Variants in OSBP observed in about 807,000 individuals in gnomAD.
The protein encoded by OSBP is oxysterol binding protein.
A neutral mutation model predicts 96.6 loss-of-function variants in OSBP; 32 were observed. That is an observed-to-expected ratio of 0.33 (90% CI 0.25 to 0.45). The LOEUF (loss-of-function observed/expected upper bound fraction) is 0.45, where lower values mean the gene tolerates loss of function less well. Among genes scored for constraint, OSBP ranks in the 20% least tolerant of loss-of-function variants. The pLI is 1.00. For synonymous variants in OSBP, 369 were observed against 389.6 expected (o/e 0.95, Z 0.62); for missense variants, 653 against 1,029.7 (o/e 0.63, Z 5.01).
intron 7 of OSBP, among the ~76,000 whole-genome samples, chr11:59,595,944 A>AAACT (rs750729536): frequency 1.9e-4 from 26 of 138,562 alleles, no homozygotes; most frequent in South Asian, 7.0e-4. Flanking sequence ...ACTCTGTCTA[A>AAACT]AAATAAATAA....
chr11:59,609,567 A>G (rs1315409536), intron 2 of OSBP, among the ~76,000 whole-genome samples: 1 of 152,126 alleles, frequency 6.6e-6, no homozygotes. Context: ...ACTTACTACC[A>G]AACAATTTAC....
intron 3 of OSBP, among the ~76,000 whole-genome samples, chr11:59,607,667 C>T (rs535174103): frequency 6.6e-6 from 1 of 152,226 alleles, no homozygotes; most frequent in Non-Finnish European, 1.5e-5. Flanking sequence ...GTAACTAAAA[C>T]AACCTGCCAG....
Position 59,576,520 on chromosome 11 carries a change from C to T in OSBP, c.*57G>A. The T allele has an allele frequency of 6.4e-7, 1 of 1,554,716 alleles. No homozygotes were observed. Among genetic ancestry groups the T allele is most frequent in the Non-Finnish European group, 8.7e-7 (1 of 1,148,428 alleles). On this transcript the variant is annotated 3_prime_UTR_variant, in exon 14 of 14. Transcript: ENST00000263847. ...AAGAGAGTCACAACTTCCAGCTTTC[C>T]CACACATCCTCTGTCCTCTTCTCCA... is the stretch of plus-strand genomic sequence containing the variant.
chr11:59,578,099 C>T (rs1860380485), intron 12 of OSBP, 50 bp downstream of exon 12: 1 of 1,566,016 alleles, frequency 6.4e-7, no homozygotes. Flanking sequence ...AATATTGCTC[C>T]ACAGTCAAGG....
chr11:59,585,154 C>A (rs993399005), intron 9 of OSBP, among the ~76,000 whole-genome samples: 15 of 150,220 alleles, frequency 1.0e-4, no homozygotes, highest in South Asian at 2.1e-4. Flanking sequence ...AAGTGAGGAG[C>A]GTCTCTGCCC....
chr11:59,589,844 G>A (rs1860555347), intron 9 of OSBP, among the ~76,000 whole-genome samples: 1 of 151,968 alleles, frequency 6.6e-6, no homozygotes, highest in Non-Finnish European at 1.5e-5. Flanking sequence ...TTAGCTGGGT[G>A]CGGTGGCGGG....
rs1416181943 is a variant in OSBP at position 59,576,940 on chromosome 11, G to A, written c.2146C>T (p.Arg716Trp). 1.9e-6 allele frequency: 3 copies of A among 1,614,180 alleles called. No homozygotes were observed. Among genetic ancestry groups the A allele is most frequent in the Non-Finnish European group, 2.5e-6 (3 of 1,180,040 alleles). Residue 716 changes from arginine to tryptophan, a missense_variant, in exon 13 of 14, where the codon CGG (arginine) becomes TGG (tryptophan). By Grantham distance (101) the Arg-to-Trp change is moderately radical. Coordinates refer to ENST00000263847, the MANE Select transcript of OSBP (RefSeq NM_002556.3). ...ATCAGTCTCTGGTCAGGTCGTAACCGGCTGTCTGTGGGGGCAGTGCCACTT... is the reference window on the plus strand; with the variant it reads ...ATCAGTCTCTGGTCAGGTCGTAACCAGCTGTCTGTGGGGGCAGTGCCACTT... Reference protein sequence around the residue: ...WESGTAPTDSRLRPDQRLMEN... With the variant: ...WESGTAPTDSWLRPDQRLMEN...
At chr11:59,601,559 A>G in intron 4 of OSBP, 81 bp downstream of exon 4, 1 of 1,309,550 alleles carries the variant, frequency 7.6e-7, no homozygotes, top group South Asian at 1.2e-5. Flanking sequence ...TTGACTGTGA[A>G]GAGTTTGGAG....
At chr11:59,588,067 T>A (rs1860523190) in intron 9 of OSBP, among the ~76,000 whole-genome samples, 1 of 152,160 alleles carries the variant, frequency 6.6e-6, no homozygotes, top group Non-Finnish European at 1.5e-5. Context: ...TGAAAGGAAA[T>A]TCTGACATTT....
intron 9 of OSBP, among the ~76,000 whole-genome samples, chr11:59,588,697 T>C (rs1166859847): frequency 6.6e-6 from 1 of 151,992 alleles, no homozygotes; most frequent in Admixed American, 6.5e-5. Flanking sequence ...TTTTATGTTA[T>C]GTGTATTTTA....
intron 3 of OSBP, among the ~76,000 whole-genome samples, chr11:59,604,107 G>A (rs1860752095): frequency 6.6e-6 from 1 of 151,462 alleles, no homozygotes; most frequent in Non-Finnish European, 1.5e-5. Context: ...GTACAAATAA[G>A]GGTAAGTTAT....
Position 59,578,280 on chromosome 11 carries a change from CAGA to C in OSBP, c.1926_1928del (p.Leu643del). On this transcript the variant is annotated inframe_deletion, in exon 12 of 14. Transcript: ENST00000263847. ...ATTCCATTTTCTCATCCCACGTCCC[CAGA>C]AGAGCAAAGTGGACTTTTCCTGATG... is the stretch of plus-strand genomic sequence containing the variant. 6.2e-7 allele frequency: 1 copy of C among 1,614,212 alleles called. No homozygotes were observed. Among genetic ancestry groups the C allele is most frequent in the Non-Finnish European group, 8.5e-7 (1 of 1,180,046 alleles).
intron 9 of OSBP, among the ~76,000 whole-genome samples, chr11:59,591,555 G>A (rs985037556): frequency 6.6e-6 from 1 of 150,924 alleles, no homozygotes; most frequent in East Asian, 1.9e-4. Flanking sequence ...TATATAAATA[G>A]GTATTATATA....
intron 11 of OSBP, among the ~76,000 whole-genome samples, chr11:59,579,335 CTTTT>C (rs760297069): frequency 7.1e-6 from 1 of 141,690 alleles, no homozygotes; most frequent in Non-Finnish European, 1.6e-5. Flanking sequence ...TTCTTTCTTT[CTTTT>C]TTTTTTTTTT....
chr11:59,589,893 G>T (rs998353967), intron 9 of OSBP, among the ~76,000 whole-genome samples: 3 of 152,014 alleles, frequency 2.0e-5, no homozygotes, highest in African/African-American at 7.2e-5. Context: ...TGAAGCAGGA[G>T]AATCGCTTGA....
At chr11:59,601,595 T>G in intron 4 of OSBP, 45 bp downstream of exon 4, 1 of 1,573,732 alleles carries the variant, frequency 6.4e-7, no homozygotes, top group Non-Finnish European at 8.7e-7. Flanking sequence ...CAGAAAACCA[T>G]CTGGCTCACC....
intron 9 of OSBP, among the ~76,000 whole-genome samples, chr11:59,588,468 G>A (rs1860530353): frequency 6.6e-6 from 1 of 151,674 alleles, no homozygotes; most frequent in Non-Finnish European, 1.5e-5. Flanking sequence ...CCTGGGAGGT[G>A]GAGGTTGCAG....
chr11:59,614,989 T>C (rs1299747275), intron 1 of OSBP, among the ~76,000 whole-genome samples: 2 of 152,074 alleles, frequency 1.3e-5, no homozygotes, highest in African/African-American at 2.4e-5. Context: ...GAATTAATAA[T>C]TGCACCCATG....
chr11:59,604,391 T>TA (rs1445456426), intron 3 of OSBP, among the ~76,000 whole-genome samples: 7 of 151,686 alleles, frequency 4.6e-5, no homozygotes, highest in Admixed American at 6.6e-5. Flanking sequence ...ATATAAAAAT[T>TA]AAAAAAAGAT....
Sources: gnomAD v4.1 joint callset for allele counts (sites outside exome capture counted in the v4.1 genomes callset) on GRCh38, gnomAD v4.1.1 for gene constraint, MANE v1.5 for transcripts, NCBI Gene and HGNC (gene_info 2026-07-23, HGNC 2026-07-21) for gene names.